PLA2G4B: variants seen among roughly 807,000 people sequenced by gnomAD.
PLA2G4B encodes phospholipase A2 group IVB.
PLA2G4B carries 122 observed loss-of-function variants against 95.8 expected under a neutral mutation model. That is an observed-to-expected ratio of 1.27 (90% CI 1.10 to 1.48). PLA2G4B has a LOEUF of 1.48. Among genes scored for constraint, PLA2G4B ranks in the 40% most tolerant of loss-of-function variants. The pLI is 0.00. For missense variants in PLA2G4B, 1,158 were observed against 996.2 expected (o/e 1.16, Z -2.19); for synonymous variants, 518 against 421.5 (o/e 1.23, Z -2.80).
At chr15:41,846,182 T>C (rs1165194686) in intron 16 of PLA2G4B, 21 bp from the exon 17 acceptor site, 1 of 1,604,110 alleles carries the variant, frequency 6.2e-7, no homozygotes, top group Non-Finnish European at 8.5e-7. Flanking sequence ...AGTCCCCATT[T>C]CCCCCACCTT....
In PLA2G4B at chr15:41,842,950, G is replaced by A. The variant is rs77279627; in HGVS notation, c.743+359G>A. On this transcript the variant is annotated intron_variant, in intron 10 of 19. Transcript: ENST00000458483. Reference sequence around the variant, plus strand: ...GAGGGGAAATTGCGCCCTTTTGGGTGGAAGCTGTTATGGCTGGACCTTAAA... The same window carrying A: ...GAGGGGAAATTGCGCCCTTTTGGGTAGAAGCTGTTATGGCTGGACCTTAAA... The A allele has an allele frequency of 7.4e-3, 2,069 of 281,220 alleles. 50 individuals carry two copies. The highest frequency in any genetic ancestry group is 0.044 in the African/African-American group (1,925 of 44,048). The allele number at this position is 281,220 out of a possible 1,614,324, so 17.4% of individuals were successfully genotyped here.
chr15:41,842,758 C>T lies in PLA2G4B; in HGVS notation c.743+167C>T, dbSNP rs546573127. 30 of 1,089,244 alleles carry T rather than the reference C, an allele frequency of 2.8e-5. No homozygotes were observed. The African/African-American group carries it at 4.5e-4, about 16-fold the overall frequency. The allele number at this position is 1,089,244 out of a possible 1,614,324, so 67.5% of individuals were successfully genotyped here. ...GGGGCACGAAGTACTGGGAGGAGTA[C>T]TGGGAGGAGTCTTAGCACCTATGGT... On this transcript the variant is annotated intron_variant, in intron 10 of 19. Transcript: ENST00000458483.
In PLA2G4B at chr15:41,846,063, C is replaced by T. The variant is rs1477801524; in HGVS notation, c.1600+16C>T. 1 of 1,568,424 alleles carries T rather than the reference C, an allele frequency of 6.4e-7. No individual in the cohort carries two copies. The highest frequency in any genetic ancestry group is 1.4e-5 in the African/African-American group (1 of 73,452). Reference sequence around the variant, plus strand: ...GCCAACCTGGGTAAGTGCTCCGGGCCCTTCATAAGGGTGCCAAGGGGCAGC... The same window carrying T: ...GCCAACCTGGGTAAGTGCTCCGGGCTCTTCATAAGGGTGCCAAGGGGCAGC... On this transcript the variant is annotated intron_variant, in intron 16 of 19. Transcript: ENST00000458483.
chr15:41,842,567 G>A lies in PLA2G4B; in HGVS notation c.719G>A (p.Arg240Lys), dbSNP rs762054381. The change falls in exon 10 of 20, where the codon AGA becomes AAA. Residue 240 changes from arginine (R) to lysine (K), a missense_variant. By Grantham distance (26) the Arg-to-Lys change is conservative. Coordinates refer to ENST00000458483, the MANE Select transcript of PLA2G4B (RefSeq NM_001114633.2). Reference sequence around the variant, plus strand: ...CACGGTTTTCAGGAGCCCCTGATGAGAGTGGAGCTGAAAAAAGAAGCAGGG... The same window carrying A: ...CACGGTTTTCAGGAGCCCCTGATGAAAGTGGAGCTGAAAAAAGAAGCAGGG... Reference protein sequence around the residue: ...VFPTSQEPLMRVELKKEAGLR... With the variant: ...VFPTSQEPLMKVELKKEAGLR... 1 of 1,607,638 alleles carries A rather than the reference G, an allele frequency of 6.2e-7. No homozygotes were observed. The highest frequency in any genetic ancestry group is 1.1e-5 in the South Asian group (1 of 90,260).
At chr15:41,839,084 G>A in intron 1 of PLA2G4B, 162 bp downstream of exon 1, 1 of 561,846 alleles carries the variant, frequency 1.8e-6, no homozygotes, top group Non-Finnish European at 3.1e-6. Context: ...GGGAGGAGGA[G>A]GCTTGGGGAT....
intron 19 of PLA2G4B, 39 bp downstream of exon 19, chr15:41,847,562 C>G (rs990510274): frequency 3.1e-6 from 5 of 1,604,838 alleles, no homozygotes; most frequent in Non-Finnish European, 3.4e-6. Context: ...CTGCCCCAGT[C>G]CCCCACACCT....
rs1013100341 is a variant in PLA2G4B at position 41,845,148 on chromosome 15, A to G, written c.1240-55A>G. 2.0e-5 allele frequency: 32 copies of G among 1,610,968 alleles called. No homozygotes were observed. In the African/African-American group the frequency reaches 2.8e-4, roughly 14 times the overall value. ...CTCGGTGCTGGACAGCAGGGTGGGA[A>G]AGGCCCTGGGCACCCAGGCCGCTGT... On this transcript the variant is annotated intron_variant, in intron 13 of 19. Coordinates refer to ENST00000458483, the MANE Select transcript of PLA2G4B (RefSeq NM_001114633.2).
Position 41,838,868 on chromosome 15 carries a change from C to A in PLA2G4B, c.-46C>A. 6.3e-7 allele frequency: 1 copy of A among 1,578,198 alleles called. No homozygotes were observed. The highest frequency in any genetic ancestry group is 8.6e-7 in the Non-Finnish European group (1 of 1,158,760). The stretch of plus-strand genomic sequence containing the variant: ...GGTTAGAAAGCTGACAGTCCTTGAT[C>A]CTGTGGCCACTGCCCCATCATTCCT... On this transcript the variant is annotated 5_prime_UTR_variant, in exon 1 of 20. Coordinates refer to ENST00000458483, the MANE Select transcript of PLA2G4B (RefSeq NM_001114633.2).
At chr15:41,841,370 G>A in intron 6 of PLA2G4B, 97 bp downstream of exon 6, 2 of 1,609,398 alleles carry the variant, frequency 1.2e-6, no homozygotes, top group South Asian at 1.1e-5. Context: ...TCAGCCTGGG[G>A]ACCCTGGGAT....
intron 11 of PLA2G4B, among the ~76,000 whole-genome samples, chr15:41,844,205 T>C (rs946261091): frequency 6.6e-6 from 1 of 152,140 alleles, no homozygotes; most frequent in South Asian, 2.1e-4. Context: ...TTCCAGAAAG[T>C]GAGCGTCAGG....
intron 1 of PLA2G4B, chr15:41,839,799 C>A (rs2065390751): frequency 4.0e-6 from 1 of 247,114 alleles, no homozygotes; most frequent in African/African-American, 2.3e-5. Context: ...TGGAGCCAGC[C>A]TGCCCGGGCT....
At position 41,845,050 on chromosome 15, in the gene PLA2G4B, G is replaced by T; in HGVS notation, c.1219G>T (p.Glu407Ter). The T allele has an allele frequency of 1.3e-6, 2 of 1,598,144 alleles. No homozygotes were observed. The highest frequency in any genetic ancestry group is 1.7e-6 in the Non-Finnish European group (2 of 1,171,810). ...CFTNLWALIN[E>*]ALLHDEPHDH... Reference sequence around the variant, plus strand: ...CACCAACCTGTGGGCCCTCATCAACGAGGCGCTGCTGCATGATGAGGTGCG... The same window carrying T: ...CACCAACCTGTGGGCCCTCATCAACTAGGCGCTGCTGCATGATGAGGTGCG... The change falls in exon 13 of 20, where the codon GAG becomes TAG. Residue 407 changes from glutamate (E) to a stop codon, truncating the protein, a stop_gained. Transcript: ENST00000458483. LOFTEE classifies it high-confidence loss of function.
intron 18 of PLA2G4B, among the ~76,000 whole-genome samples, chr15:41,847,096 T>C (rs1002768682): frequency 2.0e-5 from 3 of 152,314 alleles, no homozygotes; most frequent in African/African-American, 7.2e-5. Context: ...CTGCTGAGTC[T>C]GCTTTGGCTC....
At chr15:41,840,303 G>T in intron 2 of PLA2G4B, 73 bp downstream of exon 2, 1 of 1,596,766 alleles carries the variant, frequency 6.3e-7, no homozygotes, top group Non-Finnish European at 8.5e-7. Flanking sequence ...GGGTGCTGTG[G>T]CTGGATTTGG....
intron 10 of PLA2G4B, chr15:41,842,891 G>A (rs1482513850): frequency 2.5e-6 from 1 of 397,534 alleles, no homozygotes; most frequent in African/African-American, 2.1e-5. Flanking sequence ...CATGGTTTGG[G>A]GCGCAGAGAG....
rs747787158 is a variant in PLA2G4B at position 41,844,965 on chromosome 15, G to A, written c.1134G>A (p.Gln378=). The A allele has an allele frequency of 6.2e-7, 1 of 1,611,508 alleles. No homozygotes were observed. Among genetic ancestry groups the A allele is most frequent in the African/African-American group, 1.3e-5 (1 of 74,940 alleles). Residue 378 remains glutamine (Q), a synonymous_variant, in exon 13 of 20, where the codon CAG becomes CAA. Coordinates refer to ENST00000458483, the MANE Select transcript of PLA2G4B (RefSeq NM_001114633.2). ...AGCTGGGTGTGCTGGCCCCCAGCCA[G>A]CTGCAGCGGTACCGGCAGGAGCTGG... The part of the protein sequence containing the change: ...KNKLGVLAPS[Q]LQRYRQELAE...
rs755633664 is a variant in PLA2G4B at position 41,847,731 on chromosome 15, G to A, written c.2217G>A (p.Val739=). 1.9e-6 allele frequency: 3 copies of A among 1,611,936 alleles called. No homozygotes were observed. Among genetic ancestry groups the A allele is most frequent in the Non-Finnish European group, 1.7e-6 (2 of 1,180,028 alleles). The part of the protein sequence containing the change: ...SSDSPYHYTK[V]TYSQEDVDKL... ...ACTCTCCCTACCACTACACGAAGGT[G>A]ACCTACAGCCAGGAGGACGTGGACA... The change falls in exon 20 of 20, where the codon GTG becomes GTA. Residue 739 remains valine (V), a synonymous_variant. Transcript: ENST00000458483.
intron 7 of PLA2G4B, 81 bp downstream of exon 7, chr15:41,841,652 G>A (rs2065433944): frequency 1.3e-6 from 2 of 1,598,146 alleles, no homozygotes; most frequent in African/African-American, 1.3e-5. Flanking sequence ...TTCTCCTTGG[G>A]GCCTGAGCTT....
intron 2 of PLA2G4B, 60 bp downstream of exon 2, chr15:41,840,290 G>T: frequency 6.3e-7 from 1 of 1,591,868 alleles, no homozygotes. Context: ...GTGCTGAGGA[G>T]GAGGGTGCTG....
Sources: allele counts gnomAD v4.1 joint callset (sites outside exome capture counted in the v4.1 genomes callset), GRCh38; gene constraint gnomAD v4.1.1; transcripts MANE v1.5; gene names NCBI Gene and HGNC (gene_info 2026-07-23, HGNC 2026-07-21).